The following ULK4 variants were observed in gnomAD, a reference collection of about 807,000 sequenced individuals.
ULK4 encodes the protein unc-51 like kinase 4.
ULK4 carries 133 observed loss-of-function variants against 160.6 expected under a neutral mutation model. The observed-to-expected ratio is 0.83, with a 90% CI of 0.72 to 0.96. The LOEUF (loss-of-function observed/expected upper bound fraction) is 0.96, where lower values mean the gene tolerates loss of function less well. Among genes scored for constraint, ULK4 ranks in the 40% least tolerant of loss-of-function variants. The probability of loss-of-function intolerance (pLI) is 0.00; values close to 1 mark genes in which losing one functional copy is unlikely to be tolerated. For synonymous variants in ULK4, 534 were observed against 539.8 expected (o/e 0.99, Z 0.15); for missense variants, 1,580 against 1,499.5 (o/e 1.05, Z -0.89).
intron 35 of ULK4, among the ~76,000 whole-genome samples, chr3:41,254,860 G>A (rs542939814): frequency 1.3e-4 from 19 of 150,908 alleles, no homozygotes; most frequent in South Asian, 4.2e-4. Flanking sequence ...TCCAGCCTGC[G>A]TGACAGAGCG....
At chr3:41,798,778 C>T (rs2040373191) in intron 20 of ULK4, among the ~76,000 whole-genome samples, 1 of 151,884 alleles carries the variant, frequency 6.6e-6, no homozygotes, top group Non-Finnish European at 1.5e-5. Flanking sequence ...AAATTAAACA[C>T]CTAAATGCTG....
At chr3:41,781,326 A>C (rs1575698693) in intron 21 of ULK4, among the ~76,000 whole-genome samples, 1 of 151,628 alleles carries the variant, frequency 6.6e-6, no homozygotes, top group South Asian at 2.1e-4. Context: ...CTGAGGCAGG[A>C]GAATGGCGTG....
At chr3:41,280,607 C>T (rs571001891) in intron 35 of ULK4, among the ~76,000 whole-genome samples, 15 of 152,190 alleles carry the variant, frequency 9.9e-5, no homozygotes, top group African/African-American at 3.6e-4. Flanking sequence ...TCTTGGAAAC[C>T]AATGAGAACA....
intron 31 of ULK4, among the ~76,000 whole-genome samples, chr3:41,570,968 G>C (rs2087952545): frequency 6.6e-6 from 1 of 152,138 alleles, no homozygotes; most frequent in South Asian, 2.1e-4. Context: ...AGTACTTAGA[G>C]AAAAATATTT....
rs1262614407 is a variant in ULK4, at chr3:41,752,651, A to G, written c.2321+1710T>C. On this transcript the variant is annotated intron_variant, in intron 22 of 36. Coordinates refer to ENST00000301831, the MANE Select transcript of ULK4 (RefSeq NM_017886.4). ...GTGACAAATCTGCTCAATGAAAATCATATGTTCATGAGTTGATTTTGTTAT... is the reference window on the plus strand; with the variant it reads ...GTGACAAATCTGCTCAATGAAAATCGTATGTTCATGAGTTGATTTTGTTAT... Among the ~76,000 whole-genome samples the G allele has an allele frequency of 3.3e-5, 5 of 152,224 alleles. No homozygotes were observed. In the South Asian group the frequency reaches 8.3e-4, roughly 25 times the overall value.
intron 35 of ULK4, among the ~76,000 whole-genome samples, chr3:41,289,885 G>C (rs55644323): frequency 1.3e-5 from 2 of 151,628 alleles, no homozygotes; most frequent in African/African-American, 4.9e-5. Context: ...GTGTGTGTGT[G>C]TGTATGTGTG....
intron 1 of ULK4, among the ~76,000 whole-genome samples, chr3:41,960,429 C>G (rs910798128): frequency 6.6e-6 from 1 of 150,536 alleles, no homozygotes; most frequent in Admixed American, 6.6e-5. Context: ...GGGGCAAGAT[C>G]TAGGCTCACT....
chr3:41,481,632 C>T (rs1327250073), intron 32 of ULK4, among the ~76,000 whole-genome samples: 1 of 151,580 alleles, frequency 6.6e-6, no homozygotes, highest in East Asian at 1.9e-4. Flanking sequence ...TCGAGACCAT[C>T]CCGGCTAAAA....
chr3:41,551,133 A>G (rs1469558721), intron 32 of ULK4, among the ~76,000 whole-genome samples: 2 of 151,294 alleles, frequency 1.3e-5, no homozygotes, highest in Admixed American at 6.6e-5. Flanking sequence ...ATACAACAAA[A>G]GCAGTGCTAA....
intron 19 of ULK4, among the ~76,000 whole-genome samples, chr3:41,806,524 T>C (rs1468357783): frequency 6.6e-6 from 1 of 152,224 alleles, no homozygotes; most frequent in Middle Eastern, 3.2e-3. Flanking sequence ...TGCCTTCTGC[T>C]AGCTTTTGAA....
chr3:41,879,833 T>C (rs1697444407), intron 17 of ULK4, among the ~76,000 whole-genome samples: 1 of 152,130 alleles, frequency 6.6e-6, no homozygotes, highest in African/African-American at 2.4e-5. Flanking sequence ...AATACTCCTT[T>C]TGGCCAGGAG....
intron 35 of ULK4, among the ~76,000 whole-genome samples, chr3:41,355,276 C>T (rs964640449): frequency 6.6e-6 from 1 of 152,132 alleles, no homozygotes; most frequent in African/African-American, 2.4e-5. Flanking sequence ...AGCTTTTGGT[C>T]CGCCCACATC....
chr3:41,247,580 C>A (rs1334508213), intron 36 of ULK4, among the ~76,000 whole-genome samples: 1 of 138,844 alleles, frequency 7.2e-6, no homozygotes, highest in African/African-American at 2.8e-5. Context: ...CTTGACTGCA[C>A]AGAAATAGAG....
intron 34 of ULK4, among the ~76,000 whole-genome samples, chr3:41,441,130 C>T (rs1247301980): frequency 6.6e-6 from 1 of 151,876 alleles, no homozygotes; most frequent in Non-Finnish European, 1.5e-5. Context: ...TTTCCTAGTT[C>T]CTTATTTTTG....
In ULK4 at chr3:41,295,269, ATCTTTT is replaced by A. The variant is rs1286747544; in HGVS notation, c.3679-45701_3679-45696del. ...ATGCAAAACATGAATGCAGACACAGATCTTTTACTCTCACAAAAATCAACTCAAAAT... is the reference window on the plus strand; with the variant it reads ...ATGCAAAACATGAATGCAGACACAGAACTCTCACAAAAATCAACTCAAAAT... On this transcript the variant is annotated intron_variant, in intron 35 of 36. Transcript: ENST00000301831. 1.5e-4 allele frequency among the ~76,000 whole-genome samples: 21 copies of A among 136,518 alleles called. 7 individuals carry two copies. The highest frequency in any genetic ancestry group is 4.8e-4 in the South Asian group (2 of 4,152). 89.6% of individuals were successfully genotyped at this position (136,518 alleles called of 152,430 possible).
intron 30 of ULK4, among the ~76,000 whole-genome samples, chr3:41,637,117 T>C (rs1053203738): frequency 1.3e-5 from 2 of 152,170 alleles, no homozygotes; most frequent in African/African-American, 2.4e-5. Flanking sequence ...ATATAACACA[T>C]TGCTATTAAC....
chr3:41,812,268 G>C (rs1011823716), intron 19 of ULK4, among the ~76,000 whole-genome samples: 1 of 152,146 alleles, frequency 6.6e-6, no homozygotes, highest in African/African-American at 2.4e-5. Flanking sequence ...CCAGGTGAGA[G>C]AGCAAGACCC....
At chr3:41,912,328 C>CAAAAAAAAAAAAAAAAAAAAAA (rs1223106095) in intron 9 of ULK4, among the ~76,000 whole-genome samples, 1 of 88,258 alleles carries the variant, frequency 1.1e-5, no homozygotes. Context: ...GACGTTGTCT[C>CAAAAAAAAAAAAAAAAAAAAAA]AAAAAAAAAA....
intron 18 of ULK4, among the ~76,000 whole-genome samples, chr3:41,821,346 A>T (rs1351710862): frequency 7.2e-6 from 1 of 137,958 alleles, no homozygotes. Context: ...CCATCTCCAG[A>T]CCTACTATTT....
Sources: allele counts gnomAD v4.1 joint callset (sites outside exome capture counted in the v4.1 genomes callset), GRCh38; gene constraint gnomAD v4.1.1; transcripts MANE v1.5; gene names NCBI Gene and HGNC (gene_info 2026-07-23, HGNC 2026-07-21).